PCDH7: variants seen among roughly 807,000 people sequenced by gnomAD.
PCDH7 encodes protocadherin 7.
In PCDH7, 17 loss-of-function variants were observed where a neutral mutation model predicts 58.9. The observed-to-expected ratio is 0.29, with a 90% CI of 0.20 to 0.43. The LOEUF is 0.43. PCDH7 is among the 20% of genes least tolerant of loss of function. The probability of loss-of-function intolerance (pLI) is 1.00; values close to 1 mark genes in which losing one functional copy is unlikely to be tolerated. For missense variants in PCDH7, 1,274 were observed against 1,441.0 expected (o/e 0.88, Z 1.88); for synonymous variants, 664 against 616.4 (o/e 1.08, Z -1.14).
intron 3 of PCDH7, among the ~76,000 whole-genome samples, chr4:31,019,154 T>C (rs113435401): frequency 6.6e-6 from 1 of 152,224 alleles, no homozygotes; most frequent in African/African-American, 2.4e-5. Context: ...CATTACACCA[T>C]TGTAGGTAAC....
intron 3 of PCDH7, among the ~76,000 whole-genome samples, chr4:31,106,014 GAAAA>G (rs564639877): frequency 9.4e-6 from 1 of 106,714 alleles, no homozygotes; most frequent in African/African-American, 5.0e-5. Flanking sequence ...CTCAAAAAAA[GAAAA>G]AAAAAATATA....
At chr4:30,897,048 G>A (rs1739524535) in intron 1 of PCDH7, among the ~76,000 whole-genome samples, 1 of 151,592 alleles carries the variant, frequency 6.6e-6, no homozygotes, top group South Asian at 2.1e-4. Flanking sequence ...GGGACTACAG[G>A]CGCCCACCAC....
chr4:30,804,474 G>A (rs1272812414), intron 1 of PCDH7, among the ~76,000 whole-genome samples: 1 of 151,628 alleles, frequency 6.6e-6, no homozygotes, highest in Non-Finnish European at 1.5e-5. Context: ...GGGAGGCAGA[G>A]GTTGCAGTGA....
rs764160001 is a variant in PCDH7 at position 30,723,348 on chromosome 4, C to A, written c.1926C>A (p.Asp642Glu). 13 of 1,614,218 alleles carry A rather than the reference C, an allele frequency of 8.1e-6. No homozygotes were observed. The Admixed American group carries it at 2.2e-4, about 27-fold the overall frequency. The change falls in exon 1 of 2, where the codon GAC (aspartate) becomes GAA (glutamate). Residue 642 changes from aspartate (D) to glutamate (E), a missense_variant. By Grantham distance (45) the Asp-to-Glu change is conservative (BLOSUM62 2). This residue lies in a region of PCDH7 where 731 missense variants were observed against 881.9 expected (regional missense o/e 0.83). Coordinates refer to ENST00000361762, the Ensembl canonical transcript of PCDH7. This position sits in a 1 kb window ranked among gnomAD's most constrained non-coding sequence, Gnocchi z 4.6. ...ACAATGACCCTAAGTTTATGCAGGA[C>A]GTCTTCACCTTTTATGTGAAAGAAA...
chr4:31,114,725 G>A (rs1326459059), intron 3 of PCDH7, among the ~76,000 whole-genome samples: 1 of 151,880 alleles, frequency 6.6e-6, no homozygotes, highest in Non-Finnish European at 1.5e-5. Flanking sequence ...GGCAGGGATA[G>A]AGGAGAGAGA....
intron 1 of PCDH7, among the ~76,000 whole-genome samples, chr4:30,728,245 T>TTG (rs138265687): frequency 9.6e-4 from 140 of 146,428 alleles, no homozygotes; most frequent in African/African-American, 2.0e-3. Context: ...GTCAATTCAT[T>TTG]TGTGTGTGTG....
At chr4:31,144,340 G>A (rs1720539285), downstream of PCDH7, 1 of 152,180 alleles carries the variant, frequency 6.6e-6, no homozygotes, top group Non-Finnish European at 1.5e-5. Flanking sequence ...AAAGGTGAAA[G>A]CAGAGTTTTT....
chr4:30,994,820 G>A (rs1300339270), intron 3 of PCDH7, among the ~76,000 whole-genome samples: 1 of 151,932 alleles, frequency 6.6e-6, no homozygotes, highest in Non-Finnish European at 1.5e-5. Context: ...ACCCAAATTG[G>A]CTTTTGGGTG....
At chr4:30,812,985 A>T (rs550142361) in intron 1 of PCDH7, among the ~76,000 whole-genome samples, 41 of 152,316 alleles carry the variant, frequency 2.7e-4, no homozygotes, top group Non-Finnish European at 4.6e-4. Flanking sequence ...TTGTTAACAC[A>T]TCTAGGGAGA....
At chr4:30,991,976 T>A (rs1020738687) in intron 3 of PCDH7, among the ~76,000 whole-genome samples, 2 of 152,116 alleles carry the variant, frequency 1.3e-5, no homozygotes, top group Non-Finnish European at 2.9e-5. Context: ...GTGTGGTGAG[T>A]AGAGCCATGT....
chr4:30,810,818 C>G (rs546066449), intron 1 of PCDH7, among the ~76,000 whole-genome samples: 1 of 152,082 alleles, frequency 6.6e-6, no homozygotes, highest in Non-Finnish European at 1.5e-5. Context: ...CCATGTTGGC[C>G]AGGGTGGTCT....
chr4:30,881,703 T>C (rs933655880), intron 1 of PCDH7, among the ~76,000 whole-genome samples: 1 of 152,156 alleles, frequency 6.6e-6, no homozygotes, highest in African/African-American at 2.4e-5. Context: ...AGACACCATC[T>C]GCTGCTCTCA....
At chr4:31,013,154 T>A (rs1032572353) in intron 3 of PCDH7, among the ~76,000 whole-genome samples, 7 of 150,608 alleles carry the variant, frequency 4.6e-5, no homozygotes, top group African/African-American at 1.7e-4. Context: ...ATCACACCAC[T>A]GTGCTCCAGC....
At chr4:30,839,722 A>G (rs1476831883) in intron 1 of PCDH7, among the ~76,000 whole-genome samples, 2 of 152,126 alleles carry the variant, frequency 1.3e-5, no homozygotes, top group Non-Finnish European at 2.9e-5. Flanking sequence ...ATAAAATCAA[A>G]GGATCCTGGA....
chr4:30,968,388 A>ACACAC lies in PCDH7; in HGVS notation c.*7+18173_*7+18174insCACAC, dbSNP rs778938945. On this transcript the variant is annotated intron_variant, in intron 3 of 3. Coordinates refer to the PCDH7 transcript ENST00000509759. ...ATATATACACACACTATATATATATATATATATATATATATATATATATAT... is the reference window on the plus strand; with the variant it reads ...ATATATACACACACTATATATATATACACACTATATATATATATATATATATATAT... Among the ~76,000 whole-genome samples the ACACAC allele has an allele frequency of 2.5e-3, 139 of 54,522 alleles. 2 individuals carry two copies. Among genetic ancestry groups the ACACAC allele is most frequent in the African/African-American group, 0.017 (129 of 7,784 alleles). 35.8% of individuals were successfully genotyped at this position (54,522 alleles called of 152,430 possible).
intron 1 of PCDH7, among the ~76,000 whole-genome samples, chr4:30,778,546 A>C (rs1319878143): frequency 6.6e-6 from 1 of 152,320 alleles, no homozygotes; most frequent in Admixed American, 6.5e-5. Context: ...CTTCAAAAAT[A>C]AAAGGAGATT....
intron 3 of PCDH7, among the ~76,000 whole-genome samples, chr4:31,003,232 T>C (rs1020646117): frequency 1.3e-5 from 2 of 152,176 alleles, no homozygotes; most frequent in African/African-American, 4.8e-5. Flanking sequence ...TTGCAGACAT[T>C]CCATATTCAT....
chr4:30,731,753 T>C (rs1393260316), exon 2 of PCDH7: 2 of 152,182 alleles, frequency 1.3e-5, no homozygotes, highest in Non-Finnish European at 2.9e-5. Context: ...TGAATTTTAG[T>C]TGTATAAGCA....
intron 3 of PCDH7, among the ~76,000 whole-genome samples, chr4:30,958,928 G>A (rs1748122988): frequency 6.6e-6 from 1 of 152,046 alleles, no homozygotes; most frequent in Non-Finnish European, 1.5e-5. Flanking sequence ...TACTTTTTAA[G>A]CATAGCTATA....
Sources: gnomAD v4.1 joint callset for allele counts (sites outside exome capture counted in the v4.1 genomes callset) on GRCh38, gnomAD v4.1.1 for gene constraint, gnomAD v4.1.1 regional missense constraint, Gnocchi (gnomAD v3.1) non-coding constraint, MANE v1.5 for transcripts, NCBI Gene and HGNC (gene_info 2026-07-23, HGNC 2026-07-21) for gene names.